Variants in BMPR1A observed in about 807,000 individuals in gnomAD.
BMPR1A encodes the protein bone morphogenetic protein receptor type-1A.
A neutral mutation model predicts 66.0 loss-of-function variants in BMPR1A; 7 were observed. The ratio of observed to expected loss-of-function variants is 0.11; its 90% CI spans 0.06 to 0.20. The LOEUF is 0.20. BMPR1A is among the 10% of genes least tolerant of loss of function. BMPR1A has a pLI of 1.00. For synonymous variants in BMPR1A, 200 were observed against 229.7 expected (o/e 0.87, Z 1.17); for missense variants, 408 against 669.1 (o/e 0.61, Z 4.31).
At chr10:86,911,256 G>A (rs192194608) in intron 7 of BMPR1A, among the ~76,000 whole-genome samples, 285 of 151,492 alleles carry the variant, frequency 1.9e-3, no homozygotes, top group Non-Finnish European at 3.5e-3. Flanking sequence ...AAAGAGTAAA[G>A]ATGAAGTAAT....
intron 7 of BMPR1A, among the ~76,000 whole-genome samples, chr10:86,905,078 G>A (rs74153424): frequency 6.6e-6 from 1 of 152,322 alleles, no homozygotes; most frequent in African/African-American, 2.4e-5. Context: ...AGGTTTGTCT[G>A]TTTTGTTTGC....
At chr10:86,846,153 G>T (rs1055452074) in intron 2 of BMPR1A, among the ~76,000 whole-genome samples, 2 of 152,154 alleles carry the variant, frequency 1.3e-5, no homozygotes, top group Non-Finnish European at 2.9e-5. Context: ...TGGCAGTAGG[G>T]TGTTCTCTGG....
chr10:86,789,391 T>G (rs1329039315), intron 1 of BMPR1A, among the ~76,000 whole-genome samples: 1 of 152,162 alleles, frequency 6.6e-6, no homozygotes, highest in East Asian at 1.9e-4. Context: ...ATATATTTGA[T>G]AAGCAGCTTG....
chr10:86,837,680 T>C (rs1034381549), intron 1 of BMPR1A, among the ~76,000 whole-genome samples: 1 of 152,220 alleles, frequency 6.6e-6, no homozygotes, highest in African/African-American at 2.4e-5. Flanking sequence ...CCTGAGAGTT[T>C]TATAGTCATA....
At chr10:86,872,345 A>G (rs1347402808) in intron 2 of BMPR1A, among the ~76,000 whole-genome samples, 1 of 152,196 alleles carries the variant, frequency 6.6e-6, no homozygotes, top group Non-Finnish European at 1.5e-5. Context: ...ATTATATAAT[A>G]TATATAAAAT....
chr10:86,861,433 C>T (rs1028460253), intron 2 of BMPR1A, among the ~76,000 whole-genome samples: 1 of 152,148 alleles, frequency 6.6e-6, no homozygotes, highest in Non-Finnish European at 1.5e-5. Flanking sequence ...TTATTCAGGG[C>T]AGTTAGAGAC....
At chr10:86,773,851 ATTCT>A (rs1231080415) in intron 1 of BMPR1A, among the ~76,000 whole-genome samples, 1 of 136,182 alleles carries the variant, frequency 7.3e-6, no homozygotes, top group African/African-American at 2.5e-5. Flanking sequence ...CATGTATTTC[ATTCT>A]TTTTTTTTTT....
Position 86,836,918 on chromosome 10 carries a change from G to A in BMPR1A, c.-267-1947G>A, listed in dbSNP as rs1029295057. Among the ~76,000 whole-genome samples, 4 of 152,164 alleles carry A rather than the reference G, an allele frequency of 2.6e-5. No homozygotes were observed. The East Asian group carries it at 7.7e-4, about 29-fold the overall frequency. On this transcript the variant is annotated intron_variant, in intron 1 of 12. Transcript: ENST00000372037. ...ACTATACGCCAGCCTGGGTAATGGA[G>A]CCAGAGCCTGTCTCAAAAAAGAAAA...
intron 1 of BMPR1A, among the ~76,000 whole-genome samples, chr10:86,834,278 C>G (rs759550436): frequency 6.6e-6 from 1 of 152,102 alleles, no homozygotes; most frequent in African/African-American, 2.4e-5. Context: ...TTTCCCCTTG[C>G]CTTTTGAGTC....
intron 1 of BMPR1A, among the ~76,000 whole-genome samples, chr10:86,780,003 T>C (rs1841411296): frequency 6.6e-6 from 1 of 152,182 alleles, no homozygotes; most frequent in Non-Finnish European, 1.5e-5. Flanking sequence ...ACTCCTGGCC[T>C]CAAGGTATCC....
intron 2 of BMPR1A, among the ~76,000 whole-genome samples, chr10:86,850,298 G>A (rs1366792686): frequency 6.6e-6 from 1 of 150,818 alleles, no homozygotes; most frequent in Non-Finnish European, 1.5e-5. Flanking sequence ...TCCAGCCTGG[G>A]TGACAGAGCG....
At chr10:86,915,710 G>A (rs148501645) in intron 8 of BMPR1A, among the ~76,000 whole-genome samples, 20 of 152,238 alleles carry the variant, frequency 1.3e-4, no homozygotes, top group African/African-American at 4.1e-4. Flanking sequence ...CTGAGCAACG[G>A]AGCGAGACTC....
intron 2 of BMPR1A, among the ~76,000 whole-genome samples, chr10:86,860,567 C>T (rs1025292539): frequency 6.6e-6 from 1 of 151,860 alleles, no homozygotes; most frequent in Non-Finnish European, 1.5e-5. Flanking sequence ...ATCAAGAGTT[C>T]GAGACCATCC....
chr10:86,854,735 G>A (rs1218206435), intron 2 of BMPR1A: 11 of 231,624 alleles, frequency 4.7e-5, no homozygotes, highest in South Asian at 4.7e-4. Context: ...CATCCAAAAC[G>A]TATCATCCTC....
At chr10:86,906,047 T>G (rs1278441846) in intron 7 of BMPR1A, among the ~76,000 whole-genome samples, 1 of 152,194 alleles carries the variant, frequency 6.6e-6, no homozygotes, top group Non-Finnish European at 1.5e-5. Flanking sequence ...CTTTAACCTC[T>G]TGGAGTGCAG....
chr10:86,808,106 G>T (rs1841917669), intron 1 of BMPR1A, among the ~76,000 whole-genome samples: 1 of 152,062 alleles, frequency 6.6e-6, no homozygotes, highest in African/African-American at 2.4e-5. Context: ...GGCCTATTTG[G>T]ATTATCTATA....
chr10:86,899,614 C>T lies in BMPR1A; in HGVS notation c.334-180C>T, dbSNP rs537775372. On this transcript the variant is annotated intron_variant, in intron 5 of 12. Transcript: ENST00000372037. ...ACATAGATATGTTCTTAAGAAAAGC[C>T]ATTTTGCAGTCTTCACTATTTCAGC... Among the ~76,000 whole-genome samples the T allele has an allele frequency of 9.0e-4, 137 of 152,290 alleles. 2 individuals are homozygous for T. Among genetic ancestry groups the T allele is most frequent in the Middle Eastern group, 3.4e-3 (1 of 294 alleles).
intron 1 of BMPR1A, among the ~76,000 whole-genome samples, chr10:86,790,178 AAAAAAAAAAAATATATATATATAT>A (rs1478573698): frequency 8.4e-4 from 34 of 40,294 alleles, no homozygotes; most frequent in African/African-American, 2.0e-3. Flanking sequence ...AAAAAAAAAA[AAAAAAAAAAAATATATATATATAT>A]ATATATATAT....
chr10:86,891,271 G>C (rs896362127), intron 4 of BMPR1A, among the ~76,000 whole-genome samples: 2 of 152,156 alleles, frequency 1.3e-5, no homozygotes, highest in African/African-American at 4.8e-5. Context: ...ATAATGTTTT[G>C]CTAAACTTCT....
Sources: gnomAD v4.1 joint callset for allele counts (sites outside exome capture counted in the v4.1 genomes callset) on GRCh38, gnomAD v4.1.1 for gene constraint, MANE v1.5 for transcripts, NCBI Gene and HGNC (gene_info 2026-07-23, HGNC 2026-07-21) for gene names.